C1GALT1: variants seen among roughly 807,000 people sequenced by gnomAD.
C1GALT1 encodes the protein core 1 synthase, glycoprotein-N-acetylgalactosamine 3-beta-galactosyltransferase 1.
Under a neutral mutation model 31.0 loss-of-function variants are expected in C1GALT1, and 11 were observed. The observed-to-expected ratio is 0.36, with a 90% confidence interval of 0.22 to 0.59. The LOEUF (loss-of-function observed/expected upper bound fraction) is 0.59, where lower values mean the gene tolerates loss of function less well. Among genes scored for constraint, C1GALT1 ranks in the 20% least tolerant of loss-of-function variants. C1GALT1 has a pLI of 0.79. For synonymous variants in C1GALT1, 175 were observed against 143.6 expected (o/e 1.22, Z -1.56); for missense variants, 424 against 425.2 (o/e 1.00, Z 0.03).
chr7:7,242,545 A>C (rs756196360), intron 3 of C1GALT1, among the ~76,000 whole-genome samples: 2 of 152,118 alleles, frequency 1.3e-5, no homozygotes, highest in East Asian at 3.9e-4. Context: ...TTGCCAGACT[A>C]TCTCCCTCAT....
intron 2 of C1GALT1, among the ~76,000 whole-genome samples, chr7:7,162,749 C>T (rs1780349154): frequency 6.6e-6 from 1 of 152,044 alleles, no homozygotes; most frequent in Non-Finnish European, 1.5e-5. Context: ...AAAAGTGTTC[C>T]TATTTCTCCA....
chr7:7,203,344 C>T (rs1191021026), intron 1 of C1GALT1, among the ~76,000 whole-genome samples: 2 of 151,954 alleles, frequency 1.3e-5, no homozygotes, highest in Admixed American at 1.3e-4. Context: ...GCTTTTAGTC[C>T]TTTACCATGT....
At chr7:7,201,441 C>T (rs932666007) in intron 1 of C1GALT1, among the ~76,000 whole-genome samples, 1 of 152,178 alleles carries the variant, frequency 6.6e-6, no homozygotes, top group Non-Finnish European at 1.5e-5. Context: ...AGTTAGGCTA[C>T]TGGGAGGTCA....
chr7:7,171,310 T>C (rs1046866693), intron 2 of C1GALT1, among the ~76,000 whole-genome samples: 1 of 152,148 alleles, frequency 6.6e-6, no homozygotes, highest in African/African-American at 2.4e-5. Flanking sequence ...TTTATAATTA[T>C]GATAACTTTT....
At chr7:7,164,901 A>C (rs1232897917) in intron 2 of C1GALT1, among the ~76,000 whole-genome samples, 1 of 152,104 alleles carries the variant, frequency 6.6e-6, no homozygotes, top group Non-Finnish European at 1.5e-5. Context: ...TACAGTGTTC[A>C]CCTTGGGTTT....
intron 1 of C1GALT1, among the ~76,000 whole-genome samples, chr7:7,220,994 G>C (rs113962914): frequency 8.1e-6 from 1 of 124,124 alleles, no homozygotes; most frequent in Non-Finnish European, 1.7e-5. Context: ...TCCTCTCTCT[G>C]AAAGTTTGCA....
chr7:7,230,188 T>C (rs1198521819), intron 1 of C1GALT1, among the ~76,000 whole-genome samples: 1 of 152,176 alleles, frequency 6.6e-6, no homozygotes, highest in East Asian at 1.9e-4. Context: ...TATTTTTATA[T>C]CAAATATGAA....
rs138305220 is a variant in C1GALT1 at position 7,198,846 on chromosome 7, T to C, written c.-18+16026T>C. On this transcript the variant is annotated intron_variant, in intron 1 of 3. Transcript: ENST00000436587. ...TCAAGGTGTTTATAGTATTCTCTGA[T>C]GGTAGTTTGTATTTCTGTGGGATCG... Among the ~76,000 whole-genome samples the C allele has an allele frequency of 3.8e-3, 579 of 152,352 alleles. 5 individuals carry two copies. The highest frequency in any genetic ancestry group is 0.013 in the African/African-American group (553 of 41,578).
At chr7:7,190,703 A>G (rs146214467) in intron 1 of C1GALT1, among the ~76,000 whole-genome samples, 6 of 152,200 alleles carry the variant, frequency 3.9e-5, no homozygotes, top group African/African-American at 1.4e-4. Context: ...AACATTTAGA[A>G]TAATTTTTGC....
chr7:7,208,437 A>G (rs1781846681), intron 1 of C1GALT1, among the ~76,000 whole-genome samples: 1 of 152,208 alleles, frequency 6.6e-6, no homozygotes, highest in Admixed American at 6.5e-5. Context: ...GGTTCTGGGA[A>G]CATATTCCCT....
chr7:7,245,247 T>G lies in C1GALT1; in HGVS notation c.*1520T>G, dbSNP rs1433183017. 3 of 152,394 alleles carry G rather than the reference T, an allele frequency of 2.0e-5. No individual in the cohort carries two copies. The South Asian group carries it at 6.2e-4, about 32-fold the overall frequency. 9.4% of individuals were successfully genotyped at this position (152,394 alleles called of 1,614,324 possible). A position where few individuals can be genotyped will look rare whatever the true frequency, so the allele number is the denominator to read the frequency against. On this transcript the variant is annotated 3_prime_UTR_variant, in exon 4 of 4. Coordinates refer to ENST00000436587, the MANE Select transcript of C1GALT1 (RefSeq NM_020156.5). ...GTAATTTCTTTTTTCGGAGACTGTC[T>G]CACTCTGTCTCCCAGGCTGGACTGC...
intron 2 of C1GALT1, among the ~76,000 whole-genome samples, chr7:7,171,975 T>G (rs1780458387): frequency 6.6e-6 from 1 of 152,158 alleles, no homozygotes. Flanking sequence ...TAAATCTTAT[T>G]AAAAATAAAA....
At chr7:7,224,819 G>A (rs1360978390) in intron 1 of C1GALT1, among the ~76,000 whole-genome samples, 3 of 152,228 alleles carry the variant, frequency 2.0e-5, no homozygotes, top group East Asian at 3.9e-4. Flanking sequence ...TGTTACAGAG[G>A]TGAATTGTGT....
chr7:7,182,799 AG>A lies in C1GALT1; in HGVS notation c.-36del. The A allele has an allele frequency of 1.0e-6, 1 of 985,392 alleles. No homozygotes were observed. Among genetic ancestry groups the A allele is most frequent in the Non-Finnish European group, 1.2e-6 (1 of 830,006 alleles). 61.0% of individuals were successfully genotyped at this position (985,392 alleles called of 1,614,324 possible). A position where few individuals can be genotyped will look rare whatever the true frequency, so the allele number is the denominator to read the frequency against. ...CTCTCCGCCCCCCAGGAGGGGCGAG[AG>A]GGAGCCGCAGCTGATGTCAGGTATG... On this transcript the variant is annotated 5_prime_UTR_variant, in exon 1 of 4. Transcript: ENST00000436587.
chr7:7,213,458 G>A lies in C1GALT1; in HGVS notation c.-17-20845G>A, dbSNP rs554629491. Among the ~76,000 whole-genome samples, 4 of 152,272 alleles carry A rather than the reference G, an allele frequency of 2.6e-5. No homozygotes were observed. In the East Asian group the frequency reaches 7.7e-4, roughly 29 times the overall value. ...ACCGAAATATAATTTAAAGAAGATT[G>A]GACATCATTTTGGCAATCTTATGTG... On this transcript the variant is annotated intron_variant, in intron 1 of 3. Transcript: ENST00000436587.
At chr7:7,208,260 T>C (rs79762553) in intron 1 of C1GALT1, among the ~76,000 whole-genome samples, 6,232 of 152,262 alleles carry the variant, frequency 0.041, 290 homozygotes, top group African/African-American at 0.12. Context: ...GTAATGACCC[T>C]AGGGCACAAG....
upstream of C1GALT1, among the ~76,000 whole-genome samples, chr7:7,182,345 G>C (rs1236654556): frequency 6.6e-6 from 1 of 152,196 alleles, no homozygotes; most frequent in East Asian, 1.9e-4. Context: ...AATGCGGAGA[G>C]TAGCAGACAC....
chr7:7,216,435 C>G (rs1270967664), intron 1 of C1GALT1, among the ~76,000 whole-genome samples: 2 of 152,096 alleles, frequency 1.3e-5, no homozygotes, highest in African/African-American at 4.8e-5. Context: ...CTTAGCTTAT[C>G]CGCCTTGTGT....
intron 1 of C1GALT1, among the ~76,000 whole-genome samples, chr7:7,227,712 T>C (rs1782838595): frequency 9.0e-6 from 1 of 111,072 alleles, no homozygotes; most frequent in Non-Finnish European, 1.7e-5. Context: ...AGAGCGAGAC[T>C]CCGTCTCAAA....
Sources: gnomAD v4.1 joint callset for allele counts (sites outside exome capture counted in the v4.1 genomes callset) on GRCh38, gnomAD v4.1.1 for gene constraint, MANE v1.5 for transcripts, NCBI Gene and HGNC (gene_info 2026-07-23, HGNC 2026-07-21) for gene names.